The following SLC44A1 variants were observed in gnomAD, a reference collection of about 807,000 sequenced individuals.
SLC44A1 encodes choline transporter-like protein 1.
In SLC44A1, 26 loss-of-function variants were observed where a neutral mutation model predicts 79.3. The ratio of observed to expected loss-of-function variants is 0.33; its 90% CI spans 0.24 to 0.46. SLC44A1 has a LOEUF of 0.46. SLC44A1 is among the 20% of genes least tolerant of loss of function. The probability of loss-of-function intolerance (pLI) is 1.00; values close to 1 mark genes in which losing one functional copy is unlikely to be tolerated. For synonymous variants in SLC44A1, 263 were observed against 286.2 expected (o/e 0.92, Z 0.82); for missense variants, 688 against 798.1 (o/e 0.86, Z 1.66).
At position 105,393,497 on chromosome 9, in the gene SLC44A1, T is replaced by G; in HGVS notation, c.*4441T>G. ...TGAGCCAAATTCTTATACTCCATGT[T>G]TTAATTTTAAAAGGATAATTTTAAT... On this transcript the variant is annotated 3_prime_UTR_variant, in exon 16 of 16. Coordinates refer to ENST00000374720, the MANE Select transcript of SLC44A1 (RefSeq NM_080546.5). 9 of 944,000 alleles carry G rather than the reference T, an allele frequency of 9.5e-6. No individual in the cohort carries two copies. The highest frequency in any genetic ancestry group is 1.1e-5 in the Non-Finnish European group (9 of 792,220). The allele number at this position is 944,000 out of a possible 1,614,324, so 58.5% of individuals were successfully genotyped here.
intron 2 of SLC44A1, among the ~76,000 whole-genome samples, chr9:105,305,334 A>C (rs553125703): frequency 6.6e-6 from 1 of 151,778 alleles, no homozygotes; most frequent in East Asian, 1.9e-4. Context: ...ACATTTTTTT[A>C]AAAGTCTGGA....
intron 4 of SLC44A1, among the ~76,000 whole-genome samples, chr9:105,337,578 A>G (rs1464068931): frequency 6.6e-6 from 1 of 152,168 alleles, no homozygotes; most frequent in Non-Finnish European, 1.5e-5. Flanking sequence ...TAGAACTTCA[A>G]TCAATGCTAA....
At position 105,244,870 on chromosome 9, in the gene SLC44A1, T is replaced by TGGGCTGCTGCAGCTCCGCCTC; in HGVS notation, c.3_23dup (p.Gly2_Ser8dup). ...CCTCCGGGCTCCTTCGGCCCCGCCA[T>TGGGCTGCTGCAGCTCCGCCTC]GGGCTGCTGCAGCTCCGCCTCCTCC... On this transcript the variant is annotated inframe_insertion, in exon 1 of 16. Transcript: ENST00000374720. 1 of 1,155,874 alleles carries TGGGCTGCTGCAGCTCCGCCTC rather than the reference T, an allele frequency of 8.7e-7. No homozygotes were observed. The highest frequency in any genetic ancestry group is 1.1e-6 in the Non-Finnish European group (1 of 941,134). The allele number at this position is 1,155,874 out of a possible 1,614,324, so 71.6% of individuals were successfully genotyped here.
intron 1 of SLC44A1, among the ~76,000 whole-genome samples, chr9:105,279,742 A>G (rs1746738195): frequency 6.6e-6 from 1 of 152,198 alleles, no homozygotes; most frequent in Non-Finnish European, 1.5e-5. Flanking sequence ...CACCATTAAC[A>G]TTGTTCTAGA....
At chr9:105,371,173 G>A (rs1828086487) in intron 12 of SLC44A1, among the ~76,000 whole-genome samples, 3 of 152,210 alleles carry the variant, frequency 2.0e-5, no homozygotes, top group African/African-American at 7.2e-5. Flanking sequence ...AGCAAATGTG[G>A]TTTGTATTTC....
Position 105,396,448 on chromosome 9 carries a change from CT to C in SLC44A1, c.*7393del, listed in dbSNP as rs1828876555. ...AAGACCAAAGGTCCAACTTTACTTA[CT>C]GGCTGGCACAGCCTTTCTGAACTCC... On this transcript the variant is annotated 3_prime_UTR_variant, in exon 16 of 16. Coordinates refer to ENST00000374720, the MANE Select transcript of SLC44A1 (RefSeq NM_080546.5). 3.8e-5 allele frequency: 37 copies of C among 985,444 alleles called. No homozygotes were observed. The highest frequency in any genetic ancestry group is 4.5e-5 in the Non-Finnish European group (37 of 829,924). 61.0% of individuals were successfully genotyped at this position (985,444 alleles called of 1,614,324 possible).
At chr9:105,313,144 A>G (rs571739787) in intron 3 of SLC44A1, among the ~76,000 whole-genome samples, 17 of 152,304 alleles carry the variant, frequency 1.1e-4, no homozygotes, top group African/African-American at 4.1e-4. Context: ...AACACTTAAG[A>G]TGTGTCTCAT....
chr9:105,374,456 A>G (rs989270472), intron 12 of SLC44A1, 142 bp from the exon 13 acceptor site: 3 of 617,994 alleles, frequency 4.9e-6, no homozygotes, highest in African/African-American at 1.9e-5. Flanking sequence ...TCTTGTACTC[A>G]GTCTCGATCT....
downstream of SLC44A1, among the ~76,000 whole-genome samples, chr9:105,398,140 A>G (rs538939441): frequency 6.6e-6 from 1 of 152,332 alleles, no homozygotes; most frequent in South Asian, 2.1e-4. Context: ...TTTAAAGTTT[A>G]GAAAAATCAA....
downstream of SLC44A1, among the ~76,000 whole-genome samples, chr9:105,401,598 G>A (rs184479268): frequency 6.6e-6 from 1 of 152,198 alleles, no homozygotes; most frequent in Non-Finnish European, 1.5e-5. Flanking sequence ...GATAAAATTA[G>A]AAAGATTAGA....
chr9:105,324,386 G>T (rs1037859604), intron 3 of SLC44A1, among the ~76,000 whole-genome samples: 1 of 151,952 alleles, frequency 6.6e-6, no homozygotes, highest in Non-Finnish European at 1.5e-5. Context: ...GAGTATCTGG[G>T]ATTACAGTTG....
chr9:105,278,819 C>T (rs1010311847), intron 1 of SLC44A1, among the ~76,000 whole-genome samples: 2 of 152,016 alleles, frequency 1.3e-5, no homozygotes, highest in African/African-American at 4.8e-5. Flanking sequence ...CTTTTTTTTC[C>T]GCCTTTAAGG....
intron 1 of SLC44A1, among the ~76,000 whole-genome samples, chr9:105,279,810 G>C (rs1258653673): frequency 6.6e-6 from 1 of 151,952 alleles, no homozygotes; most frequent in Non-Finnish European, 1.5e-5. Context: ...TCTGAGAGGA[G>C]ATAAAATACA....
intron 5 of SLC44A1, among the ~76,000 whole-genome samples, chr9:105,354,595 G>C (rs1418812191): frequency 1.3e-5 from 2 of 152,122 alleles, no homozygotes; most frequent in South Asian, 2.1e-4. Flanking sequence ...AATACACAGG[G>C]ATGCAAGAGG....
At position 105,266,666 on chromosome 9, in the gene SLC44A1, G is replaced by A. The variant is rs577609170; in HGVS notation, c.36+21762G>A. On this transcript the variant is annotated intron_variant, in intron 1 of 15. Transcript: ENST00000374720. ...TCTGTTTGGTTTCATCCATTTGTTTGTCTGTCTTAATACTAGTACTGTATG... is the reference window on the plus strand; with the variant it reads ...TCTGTTTGGTTTCATCCATTTGTTTATCTGTCTTAATACTAGTACTGTATG... 3.9e-5 allele frequency among the ~76,000 whole-genome samples: 6 copies of A among 152,254 alleles called. No individual in the cohort carries two copies. The South Asian group carries it at 1.2e-3, about 32-fold the overall frequency.
At chr9:105,361,660 A>G (rs1827784117) in intron 8 of SLC44A1, among the ~76,000 whole-genome samples, 1 of 152,244 alleles carries the variant, frequency 6.6e-6, no homozygotes, top group African/African-American at 2.4e-5. Context: ...TTACTGTAGA[A>G]AAGTATGTTA....
At chr9:105,292,750 A>C (rs1008083159) in intron 1 of SLC44A1, among the ~76,000 whole-genome samples, 1 of 152,142 alleles carries the variant, frequency 6.6e-6, no homozygotes, top group Non-Finnish European at 1.5e-5. Context: ...GGCAAATCTC[A>C]TGCTATCGTA....
intron 3 of SLC44A1, among the ~76,000 whole-genome samples, chr9:105,326,630 G>A (rs547127926): frequency 2.6e-5 from 4 of 152,160 alleles, no homozygotes; most frequent in African/African-American, 4.8e-5. Flanking sequence ...CAATCTATTC[G>A]AAACTATGAA....
intron 5 of SLC44A1, among the ~76,000 whole-genome samples, chr9:105,352,684 T>C (rs531742287): frequency 1.3e-5 from 2 of 152,334 alleles, no homozygotes; most frequent in Non-Finnish European, 2.9e-5. Context: ...TTAGGTAAGA[T>C]ACTAAAGTAG....
Sources: allele counts gnomAD v4.1 joint callset (sites outside exome capture counted in the v4.1 genomes callset), GRCh38; gene constraint gnomAD v4.1.1; transcripts MANE v1.5; gene names NCBI Gene and HGNC (gene_info 2026-07-23, HGNC 2026-07-21).